The following MAPRE2 variants were observed in gnomAD, a reference collection of about 807,000 sequenced individuals.
MAPRE2 encodes the protein microtubule-associated protein RP/EB family member 2.
A neutral mutation model predicts 43.2 loss-of-function variants in MAPRE2; 13 were observed. That is an observed-to-expected ratio of 0.30 (90% CI 0.20 to 0.48). The LOEUF is 0.48. Among genes scored for constraint, MAPRE2 ranks in the 20% least tolerant of loss-of-function variants. The probability of loss-of-function intolerance (pLI) is 0.99; values close to 1 mark genes in which losing one functional copy is unlikely to be tolerated. For missense variants in MAPRE2, 161 were observed against 400.2 expected (o/e 0.40, Z 5.10); for synonymous variants, 135 against 148.8 (o/e 0.91, Z 0.68).
At chr18:35,035,484 C>T (rs1206515066) in intron 2 of MAPRE2, among the ~76,000 whole-genome samples, 2 of 151,794 alleles carry the variant, frequency 1.3e-5, no homozygotes, top group South Asian at 2.1e-4. Flanking sequence ...GCACATTGTG[C>T]ACATGTACCC....
chr18:35,112,018 G>A (rs562218306), intron 4 of MAPRE2, among the ~76,000 whole-genome samples: 8 of 152,214 alleles, frequency 5.3e-5, no homozygotes, highest in East Asian at 3.9e-4. Context: ...AGTACCTTAC[G>A]TATGTCTTTA....
intron 2 of MAPRE2, among the ~76,000 whole-genome samples, chr18:35,078,052 G>A (rs916261458): frequency 2.0e-5 from 3 of 152,118 alleles, no homozygotes; most frequent in East Asian, 1.9e-4. Context: ...GACTTTAACA[G>A]GAAGAGTGTA....
chr18:35,100,310 C>A (rs1908617181), intron 3 of MAPRE2, among the ~76,000 whole-genome samples: 1 of 151,956 alleles, frequency 6.6e-6, no homozygotes, highest in East Asian at 1.9e-4. Context: ...ACTAAAAAGT[C>A]AAAAAATAAC....
chr18:35,080,937 G>T (rs1264934620), intron 2 of MAPRE2, among the ~76,000 whole-genome samples: 1 of 151,908 alleles, frequency 6.6e-6, no homozygotes, highest in Admixed American at 6.6e-5. Flanking sequence ...AGCTTTTTAT[G>T]ACCAAATTAT....
rs1450524683 is a variant in MAPRE2, at chr18:34,980,023, C to CTTTTTTTTTTTT, written c.-70+2951_-70+2952insTTTTTTTTTTTT. On this transcript the variant is annotated intron_variant, in intron 1 of 7. Coordinates refer to the MAPRE2 transcript ENST00000413393. Reference sequence around the variant, plus strand: ...TTTCTTTTCTTTTCTTTTTCTTTTTCTTTTTTTCTTTTTTTTTTTTTTTTT... The same window carrying CTTTTTTTTTTTT: ...TTTCTTTTCTTTTCTTTTTCTTTTTCTTTTTTTTTTTTTTTTTTTCTTTTTTTTTTTTTTTTT... 9.8e-5 allele frequency among the ~76,000 whole-genome samples: 13 copies of CTTTTTTTTTTTT among 132,500 alleles called. 1 individual carries two copies. The highest frequency in any genetic ancestry group is 3.2e-4 in the African/African-American group (11 of 34,096). 86.9% of individuals were successfully genotyped at this position (132,500 alleles called of 152,430 possible). A position where few individuals can be genotyped will look rare whatever the true frequency, so the allele number is the denominator to read the frequency against.
rs1223431863 is a variant in MAPRE2 at position 34,996,488 on chromosome 18, C to A, written c.-69-9004C>A. ...TAGACTTAAGTCCTGGGTGGCTGTT[C>A]TGTGTCTTGTTCACCCTTAGAATCC... On this transcript the variant is annotated intron_variant, in intron 1 of 7. Coordinates refer to the MAPRE2 transcript ENST00000413393. Among the ~76,000 whole-genome samples, 3 of 152,142 alleles carry A rather than the reference C, an allele frequency of 2.0e-5. No individual in the cohort carries two copies. The East Asian group carries it at 5.8e-4, about 29-fold the overall frequency.
At chr18:35,101,715 C>T (rs750406584) in intron 3 of MAPRE2, among the ~76,000 whole-genome samples, 8 of 152,070 alleles carry the variant, frequency 5.3e-5, no homozygotes, top group African/African-American at 7.2e-5. Flanking sequence ...CAAATGACTG[C>T]GACTCATTCT....
At chr18:35,045,885 C>T (rs1021413963) in intron 1 of MAPRE2, among the ~76,000 whole-genome samples, 1 of 152,168 alleles carries the variant, frequency 6.6e-6, no homozygotes. Context: ...TTACTTGATG[C>T]TTTAGTACAT....
At chr18:35,103,717 T>A (rs975363156) in intron 4 of MAPRE2, among the ~76,000 whole-genome samples, 1 of 152,000 alleles carries the variant, frequency 6.6e-6, no homozygotes, top group Non-Finnish European at 1.5e-5. Flanking sequence ...GCAGAGAAGG[T>A]GCCAGAAAGA....
chr18:35,007,911 C>T (rs2097032592), intron 2 of MAPRE2, among the ~76,000 whole-genome samples: 1 of 152,032 alleles, frequency 6.6e-6, no homozygotes, highest in Admixed American at 6.6e-5. Context: ...CAGTATTCAT[C>T]GGTATATGAA....
chr18:35,072,540 T>G lies in MAPRE2; in HGVS notation c.250+2218T>G, dbSNP rs1603397752. 2.6e-5 allele frequency among the ~76,000 whole-genome samples: 4 copies of G among 152,270 alleles called. No homozygotes were observed. The East Asian group carries it at 7.7e-4, about 29-fold the overall frequency. On this transcript the variant is annotated intron_variant, in intron 2 of 6. Transcript: ENST00000300249. ...GGAACTTCCTATGCTGAAATACACTTGGAGAGTTTTTGGTAGCAAATGAAA... is the reference window on the plus strand; with the variant it reads ...GGAACTTCCTATGCTGAAATACACTGGGAGAGTTTTTGGTAGCAAATGAAA...
chr18:35,014,680 G>A (rs2097037020), intron 2 of MAPRE2, among the ~76,000 whole-genome samples: 1 of 151,944 alleles, frequency 6.6e-6, no homozygotes, highest in Non-Finnish European at 1.5e-5. Flanking sequence ...AGATTATTGG[G>A]GACCAACCTT....
chr18:35,039,757 CA>C (rs2150596963), upstream of MAPRE2, among the ~76,000 whole-genome samples: 1 of 152,294 alleles, frequency 6.6e-6, no homozygotes, highest in Non-Finnish European at 1.5e-5. Context: ...ATCTGTATCA[CA>C]AAATGATAAA....
intron 2 of MAPRE2, among the ~76,000 whole-genome samples, chr18:35,015,448 G>T (rs760637002): frequency 1.3e-5 from 2 of 152,070 alleles, no homozygotes; most frequent in Non-Finnish European, 2.9e-5. Flanking sequence ...TACAAATGAG[G>T]AAATTGTTTC....
chr18:34,981,887 A>ATTTTTTTTT (rs1261290510), intron 1 of MAPRE2, among the ~76,000 whole-genome samples: 2 of 34,782 alleles, frequency 5.8e-5, no homozygotes, highest in African/African-American at 1.2e-4. Context: ...ATTTTTATTT[A>ATTTTTTTTT]TTTTTTTTTT....
intron 4 of MAPRE2, among the ~76,000 whole-genome samples, chr18:35,116,869 A>T: frequency 6.6e-6 from 1 of 152,176 alleles, no homozygotes; most frequent in East Asian, 1.9e-4. Flanking sequence ...GGAGGTGGAG[A>T]TCATTAGGGT....
chr18:35,030,959 A>G (rs1352215229), intron 2 of MAPRE2, among the ~76,000 whole-genome samples: 1 of 152,132 alleles, frequency 6.6e-6, no homozygotes, highest in Non-Finnish European at 1.5e-5. Context: ...CTGATATCAC[A>G]GGTCTATGTC....
rs1196581278 is a variant in MAPRE2, at chr18:35,088,786, A to G, written c.251-8660A>G. On this transcript the variant is annotated intron_variant, in intron 2 of 6. Transcript: ENST00000300249. ...GCAAAAGAGGTGGTCAATAAGGCCA[A>G]ATACTATTAAGAGGTTGAGTAGGAT... is the stretch of plus-strand genomic sequence containing the variant. 2.0e-5 allele frequency among the ~76,000 whole-genome samples: 3 copies of G among 152,212 alleles called. No individual in the cohort carries two copies. In the East Asian group the frequency reaches 5.8e-4, roughly 29 times the overall value.
chr18:35,009,772 T>C (rs2097033547), intron 2 of MAPRE2, among the ~76,000 whole-genome samples: 1 of 152,186 alleles, frequency 6.6e-6, no homozygotes, highest in South Asian at 2.1e-4. Context: ...TTCATTTGTG[T>C]TTTGTCTTTA....
Sources: allele counts gnomAD v4.1 joint callset (sites outside exome capture counted in the v4.1 genomes callset), GRCh38; gene constraint gnomAD v4.1.1; transcripts MANE v1.5; gene names NCBI Gene and HGNC (gene_info 2026-07-23, HGNC 2026-07-21).